The following SPAG16 variants were observed in gnomAD, a reference collection of about 807,000 sequenced individuals.
SPAG16 encodes the protein sperm associated antigen 16.
A neutral mutation model predicts 80.4 loss-of-function variants in SPAG16; 86 were observed. The ratio of observed to expected loss-of-function variants is 1.07; its 90% CI spans 0.90 to 1.28. The LOEUF (loss-of-function observed/expected upper bound fraction) is 1.28. Ranked by LOEUF, SPAG16 falls within the 50% of genes most tolerant of loss-of-function variation. SPAG16 has a pLI of 0.00. For missense variants in SPAG16, 870 were observed against 765.3 expected, an observed-to-expected ratio of 1.14 and a Z score of -1.61; for synonymous variants, 294 against 265.9, an observed-to-expected ratio of 1.11 and a Z score of -1.03.
chr2:214,198,418 T>G (rs2057908997), intron 15 of SPAG16, among the ~76,000 whole-genome samples: 2 of 152,112 alleles, frequency 1.3e-5, no homozygotes, highest in South Asian at 2.1e-4. Context: ...TCCAAGTTTC[T>G]GCAAAAAGAT....
At chr2:214,118,907 A>G (rs985600655) in intron 14 of SPAG16, among the ~76,000 whole-genome samples, 3 of 152,140 alleles carry the variant, frequency 2.0e-5, no homozygotes, top group African/African-American at 7.2e-5. Flanking sequence ...CAATCCTGAG[A>G]ATAAAGAAAA....
At chr2:214,258,644 C>T (rs1404796069) in intron 15 of SPAG16, among the ~76,000 whole-genome samples, 1 of 151,870 alleles carries the variant, frequency 6.6e-6, no homozygotes, top group Non-Finnish European at 1.5e-5. Flanking sequence ...ACTTCTTTTG[C>T]TTTGGGTAGA....
At chr2:214,015,485 C>T (rs2047543135) in intron 13 of SPAG16, among the ~76,000 whole-genome samples, 1 of 151,818 alleles carries the variant, frequency 6.6e-6, no homozygotes, top group African/African-American at 2.4e-5. Flanking sequence ...GTAATCCCAG[C>T]TACTTGGGAG....
intron 6 of SPAG16, among the ~76,000 whole-genome samples, chr2:213,341,080 A>C (rs1348308481): frequency 1.3e-5 from 2 of 152,178 alleles, no homozygotes; most frequent in Non-Finnish European, 2.9e-5. Flanking sequence ...GTATTTCATT[A>C]TTTCAGGCAC....
intron 11 of SPAG16, among the ~76,000 whole-genome samples, chr2:213,926,728 C>A (rs1270837530): frequency 6.6e-6 from 1 of 151,390 alleles, no homozygotes; most frequent in East Asian, 1.9e-4. Flanking sequence ...TATTTTGTAC[C>A]CTTTAATTAT....
intron 11 of SPAG16, among the ~76,000 whole-genome samples, chr2:213,912,767 G>A (rs939603675): frequency 1.3e-5 from 2 of 152,094 alleles, no homozygotes; most frequent in African/African-American, 4.8e-5. Context: ...GAATTGAGAA[G>A]CAATTCTACC....
At chr2:213,437,722 T>C (rs779785492) in intron 9 of SPAG16, among the ~76,000 whole-genome samples, 8 of 152,228 alleles carry the variant, frequency 5.3e-5, no homozygotes, top group Non-Finnish European at 1.0e-4. Flanking sequence ...ACATGGATGT[T>C]TGAGCTAAAA....
intron 13 of SPAG16, among the ~76,000 whole-genome samples, chr2:214,071,322 C>T (rs1182690980): frequency 6.6e-6 from 1 of 152,078 alleles, no homozygotes; most frequent in Admixed American, 6.6e-5. Context: ...AGTCTATGCT[C>T]AGCACATTAA....
At chr2:213,470,388 A>G (rs2073012395) in intron 9 of SPAG16, among the ~76,000 whole-genome samples, 1 of 152,194 alleles carries the variant, frequency 6.6e-6, no homozygotes. Context: ...CTGTGAGTCC[A>G]TGGATGGTAG....
At chr2:213,976,353 G>GAT (rs1454488084) in intron 12 of SPAG16, among the ~76,000 whole-genome samples, 8 of 150,976 alleles carry the variant, frequency 5.3e-5, no homozygotes, top group Non-Finnish European at 8.8e-5. Context: ...TATATCAGAT[G>GAT]ATATATATAC....
chr2:213,392,144 G>A (rs1006177147), intron 9 of SPAG16, among the ~76,000 whole-genome samples: 2 of 152,164 alleles, frequency 1.3e-5, no homozygotes, highest in Non-Finnish European at 1.5e-5. Flanking sequence ...GGAGAGAAAG[G>A]TTTCCTCTAC....
At chr2:214,319,855 G>A (rs1413776824) in intron 15 of SPAG16, among the ~76,000 whole-genome samples, 2 of 152,134 alleles carry the variant, frequency 1.3e-5, no homozygotes, top group Admixed American at 6.5e-5. Flanking sequence ...ATACTGCAGT[G>A]GTAAATTAAC....
chr2:213,690,724 A>G (rs2064906100), intron 10 of SPAG16, among the ~76,000 whole-genome samples: 1 of 152,082 alleles, frequency 6.6e-6, no homozygotes, highest in Non-Finnish European at 1.5e-5. Context: ...TTCTCTTCCC[A>G]TGTTATGCTG....
At chr2:214,337,142 T>C (rs565862616) in intron 15 of SPAG16, among the ~76,000 whole-genome samples, 56 of 151,914 alleles carry the variant, frequency 3.7e-4, no homozygotes, top group Non-Finnish European at 6.6e-4. Flanking sequence ...GTATGAATAA[T>C]TGCTAAGGTT....
intron 13 of SPAG16, among the ~76,000 whole-genome samples, chr2:214,072,547 C>CTAGGGAATCTGTT (rs752653067): frequency 2.6e-5 from 4 of 152,010 alleles, no homozygotes; most frequent in African/African-American, 4.8e-5. Flanking sequence ...AAATACTAGA[C>CTAGGGAATCTGTT]TAGGGAATCT....
intron 15 of SPAG16, among the ~76,000 whole-genome samples, chr2:214,155,599 A>C (rs1314555420): frequency 6.6e-6 from 1 of 152,036 alleles, no homozygotes; most frequent in Non-Finnish European, 1.5e-5. Context: ...CAGCCTCCTG[A>C]GAAGCTAGGA....
Position 213,823,985 on chromosome 2 carries a change from C to T in SPAG16, c.1071-38500C>T, listed in dbSNP as rs567671738. On this transcript the variant is annotated intron_variant, in intron 10 of 15. Coordinates refer to ENST00000331683, the MANE Select transcript of SPAG16 (RefSeq NM_024532.5). ...TTGGCATTTTTTCATGAAGTCTTTG[C>T]CCATGCCTATGTCCTGAATGGTATT... is the stretch of plus-strand genomic sequence containing the variant. Among the ~76,000 whole-genome samples, 97 of 152,246 alleles carry T rather than the reference C, an allele frequency of 6.4e-4. 1 individual carries two copies. The South Asian group carries it at 0.018, about 28-fold the overall frequency.
At chr2:214,408,519 A>C (rs1702121045) in intron 15 of SPAG16, among the ~76,000 whole-genome samples, 1 of 152,198 alleles carries the variant, frequency 6.6e-6, no homozygotes, top group Admixed American at 6.5e-5. Context: ...GTAGTTATAA[A>C]GGTTTGCAAA....
chr2:213,809,740 C>A (rs1210422304), intron 10 of SPAG16, among the ~76,000 whole-genome samples: 1 of 152,038 alleles, frequency 6.6e-6, no homozygotes, highest in East Asian at 1.9e-4. Context: ...ACATGATGCA[C>A]TTTTATTTAG....
Sources: allele counts gnomAD v4.1 joint callset (sites outside exome capture counted in the v4.1 genomes callset), GRCh38; gene constraint gnomAD v4.1.1; transcripts MANE v1.5; gene names NCBI Gene and HGNC (gene_info 2026-07-23, HGNC 2026-07-21).